The following PTPRN2 variants were observed in gnomAD, a reference collection of about 807,000 sequenced individuals.
PTPRN2 encodes receptor-type tyrosine-protein phosphatase N2.
Under a neutral mutation model 118.8 loss-of-function variants are expected in PTPRN2, and 74 were observed. The ratio of observed to expected loss-of-function variants is 0.62; its 90% CI spans 0.52 to 0.76. PTPRN2 has a LOEUF of 0.76. PTPRN2 is among the 30% of genes least tolerant of loss of function. The pLI is 0.00. For synonymous variants in PTPRN2, 641 were observed against 608.0 expected, an observed-to-expected ratio of 1.05 and a Z score of -0.80; for missense variants, 1,481 against 1,394.4, an observed-to-expected ratio of 1.06 and a Z score of -0.99.
chr7:157,793,772 T>G (rs2151081279), intron 12 of PTPRN2, among the ~76,000 whole-genome samples: 1 of 152,272 alleles, frequency 6.6e-6, no homozygotes, highest in African/African-American at 2.4e-5. Context: ...GTGGCACCCC[T>G]GGCACCACAC....
intron 12 of PTPRN2, among the ~76,000 whole-genome samples, chr7:157,754,309 T>A (rs1314324329): frequency 6.6e-6 from 1 of 152,242 alleles, no homozygotes; most frequent in Admixed American, 6.5e-5. Flanking sequence ...CGTTACCTGG[T>A]GCTTCTCCAG....
chr7:158,232,834 T>A (rs1340495837), intron 3 of PTPRN2, among the ~76,000 whole-genome samples: 1 of 152,158 alleles, frequency 6.6e-6, no homozygotes, highest in Non-Finnish European at 1.5e-5. Context: ...AACTACATGA[T>A]CATTTCAATA....
At position 158,544,372 on chromosome 7, in the gene PTPRN2, A is replaced by C. The variant is rs983259695; in HGVS notation, c.112+43186T>G. 1.1e-4 allele frequency among the ~76,000 whole-genome samples: 16 copies of C among 152,132 alleles called. No individual in the cohort carries two copies. The highest frequency in any genetic ancestry group is 3.9e-4 in the African/African-American group (16 of 41,424). Reference sequence around the variant, plus strand: ...ATTTTTTGGCCGGGTGCGGTGGCTCATGCCTGTAATCCCAGCACTTTGGGA... The same window carrying C: ...ATTTTTTGGCCGGGTGCGGTGGCTCCTGCCTGTAATCCCAGCACTTTGGGA... On this transcript the variant is annotated intron_variant, in intron 1 of 22. Transcript: ENST00000389418. The surrounding 1 kb of genome is among the most constrained non-coding windows in gnomAD (Gnocchi z 4.2).
chr7:158,176,802 G>A (rs745568845), intron 5 of PTPRN2, among the ~76,000 whole-genome samples: 1 of 152,214 alleles, frequency 6.6e-6, no homozygotes, highest in South Asian at 2.1e-4. Flanking sequence ...CACATGAGGG[G>A]GCAAACTTTT....
chr7:158,398,174 ATGCAAAAT>A (rs1264677946), intron 2 of PTPRN2, among the ~76,000 whole-genome samples: 2 of 152,244 alleles, frequency 1.3e-5, no homozygotes, highest in Non-Finnish European at 2.9e-5. Flanking sequence ...TCATAGGAGA[ATGCAAAAT>A]TACATCATGC....
At chr7:158,272,604 G>T (rs1008096298) in intron 3 of PTPRN2, among the ~76,000 whole-genome samples, 1 of 152,138 alleles carries the variant, frequency 6.6e-6, no homozygotes, top group Non-Finnish European at 1.5e-5. Context: ...TTGCACCCCA[G>T]ACACCAGGGT....
At chr7:158,355,954 G>A (rs915487328) in intron 2 of PTPRN2, among the ~76,000 whole-genome samples, 7 of 152,134 alleles carry the variant, frequency 4.6e-5, no homozygotes, top group African/African-American at 1.4e-4. Context: ...GGTTCCAGGC[G>A]CCACCACCCA....
intron 12 of PTPRN2, among the ~76,000 whole-genome samples, chr7:157,797,910 G>A (rs1172382211): frequency 2.0e-5 from 3 of 152,222 alleles, no homozygotes; most frequent in Admixed American, 6.5e-5. Flanking sequence ...GAGGACTGGG[G>A]ACTATGCTCA....
intron 2 of PTPRN2, among the ~76,000 whole-genome samples, chr7:158,342,017 A>G (rs1586391644): frequency 6.7e-6 from 1 of 149,804 alleles, no homozygotes; most frequent in Admixed American, 6.6e-5. Flanking sequence ...GACGTCACTC[A>G]CACCCACACT....
Position 157,964,858 on chromosome 7 carries a change from G to A in PTPRN2, c.1724-66121C>T, listed in dbSNP as rs189880945. On this transcript the variant is annotated intron_variant, in intron 11 of 22. Coordinates refer to ENST00000389418, the MANE Select transcript of PTPRN2 (RefSeq NM_002847.5). The surrounding 1 kb of genome is among the most constrained non-coding windows in gnomAD (Gnocchi z 9.0). Reference sequence around the variant, plus strand: ...CTCCTCTTGCCCCAATTTCTCCACCGCACAGACTCGCCAGGGCTTTGGTTT... The same window carrying A: ...CTCCTCTTGCCCCAATTTCTCCACCACACAGACTCGCCAGGGCTTTGGTTT... Among the ~76,000 whole-genome samples the A allele has an allele frequency of 1.6e-4, 24 of 152,236 alleles. No individual in the cohort carries two copies. Among genetic ancestry groups the A allele is most frequent in the East Asian group, 3.9e-4 (2 of 5,176 alleles).
intron 11 of PTPRN2, among the ~76,000 whole-genome samples, chr7:157,978,601 A>ACACT (rs997626064): frequency 6.6e-6 from 1 of 151,440 alleles, no homozygotes; most frequent in African/African-American, 2.4e-5. Flanking sequence ...AAAGTCACAA[A>ACACT]CACTCATGAA....
intron 2 of PTPRN2, among the ~76,000 whole-genome samples, chr7:158,469,732 G>A (rs948359178): frequency 1.7e-5 from 2 of 115,528 alleles, no homozygotes; most frequent in African/African-American, 7.3e-5. Flanking sequence ...GAGAAAACCT[G>A]GCCAAAAAAA....
intron 1 of PTPRN2, chr7:158,539,648 C>T: frequency 4.5e-6 from 1 of 222,300 alleles, no homozygotes; most frequent in Non-Finnish European, 9.1e-6. Context: ...CTGGAGCATG[C>T]TCACTCTGGG....
intron 11 of PTPRN2, among the ~76,000 whole-genome samples, chr7:157,936,932 A>G (rs529343504): frequency 2.6e-5 from 4 of 152,242 alleles, no homozygotes; most frequent in Non-Finnish European, 5.9e-5. Flanking sequence ...TCCTAAACAT[A>G]GCCTCTTTCT....
rs183246639 is a variant in PTPRN2, at chr7:158,351,196, G to A, written c.164-34264C>T. 2.4e-4 allele frequency among the ~76,000 whole-genome samples: 36 copies of A among 152,260 alleles called. No individual in the cohort carries two copies. The East Asian group carries it at 4.4e-3, about 19-fold the overall frequency. The stretch of plus-strand genomic sequence containing the variant: ...CACGGGTGAGGTGCAGGAGGAACTC[G>A]TGCTACCACCTCCACCCACCCCCAG... On this transcript the variant is annotated intron_variant, in intron 2 of 22. Coordinates refer to ENST00000389418, the MANE Select transcript of PTPRN2 (RefSeq NM_002847.5).
At chr7:158,205,317 T>G in intron 3 of PTPRN2, 44 bp from the exon 4 acceptor site, 1 of 1,438,474 alleles carries the variant, frequency 7.0e-7, no homozygotes, top group Non-Finnish European at 9.8e-7. Context: ...TTTTGGAAAT[T>G]TAGCCAAAGC....
At chr7:158,465,065 C>A (rs1282258090) in intron 2 of PTPRN2, among the ~76,000 whole-genome samples, 8 of 152,224 alleles carry the variant, frequency 5.3e-5, no homozygotes, top group African/African-American at 1.9e-4. Flanking sequence ...AGCTAAGCTG[C>A]TGAGATACAA....
At chr7:158,453,572 G>T (rs1015121420) in intron 2 of PTPRN2, among the ~76,000 whole-genome samples, 4 of 151,558 alleles carry the variant, frequency 2.6e-5, no homozygotes, top group Non-Finnish European at 4.4e-5. Flanking sequence ...GGCAGCTGCC[G>T]CAGGACCTCA....
chr7:158,089,856 C>G (rs1195190718), intron 10 of PTPRN2, among the ~76,000 whole-genome samples: 5 of 114,512 alleles, frequency 4.4e-5, no homozygotes, highest in African/African-American at 1.5e-4. Context: ...AAGAGGGAGT[C>G]TTCACACAAA....
Sources: gnomAD v4.1 joint callset for allele counts (sites outside exome capture counted in the v4.1 genomes callset) on GRCh38, gnomAD v4.1.1 for gene constraint, Gnocchi (gnomAD v3.1) non-coding constraint, MANE v1.5 for transcripts, NCBI Gene and HGNC (gene_info 2026-07-23, HGNC 2026-07-21) for gene names.